SUPT3H: variants seen among roughly 807,000 people sequenced by gnomAD.
The protein encoded by SUPT3H is SPT3 homolog, SAGA and STAGA complex component, also known as transcription initiation protein SPT3 homolog.
A neutral mutation model predicts 44.3 loss-of-function variants in SUPT3H; 44 were observed. That is an observed-to-expected ratio of 0.99 (90% CI 0.78 to 1.28). The LOEUF is 1.28. SUPT3H is among the 50% of genes most tolerant of loss of function. The probability of loss-of-function intolerance (pLI) is 0.00; values close to 1 mark genes in which losing one functional copy is unlikely to be tolerated. For synonymous variants in SUPT3H, 124 were observed against 125.6 expected (o/e 0.99, Z 0.09); for missense variants, 380 against 387.1 (o/e 0.98, Z 0.15).
chr6:44,872,532 C>G (rs1297344119), intron 10 of SUPT3H, among the ~76,000 whole-genome samples: 1 of 152,228 alleles, frequency 6.6e-6, no homozygotes, highest in Non-Finnish European at 1.5e-5. Context: ...CGGTACCAGC[C>G]ACTGCAAAAT....
chr6:45,220,703 G>GA (rs2153635279), intron 2 of SUPT3H, among the ~76,000 whole-genome samples: 1 of 152,182 alleles, frequency 6.6e-6, no homozygotes, highest in East Asian at 1.9e-4. Flanking sequence ...AAGCCTCCTG[G>GA]AAAAAAATAA....
intron 2 of SUPT3H, among the ~76,000 whole-genome samples, chr6:45,242,956 A>G (rs1320098890): frequency 6.6e-6 from 1 of 152,168 alleles, no homozygotes; most frequent in Non-Finnish European, 1.5e-5. Flanking sequence ...ACACTTTGGG[A>G]GGCCGAGGAG....
Position 45,326,949 on chromosome 6 carries a change from T to C in SUPT3H, c.101+38252A>G, listed in dbSNP as rs143088954. ...GCAGATTTAGAGTGGCATGGATAAA[T>C]GGCAAAAAAATGCCTAGAAAATTGG... On this transcript the variant is annotated intron_variant, in intron 2 of 10. Transcript: ENST00000371459. Among the ~76,000 whole-genome samples the C allele has an allele frequency of 6.3e-3, 950 of 151,996 alleles. 10 individuals are homozygous for C. The highest frequency in any genetic ancestry group is 0.034 in the Middle Eastern group (10 of 294).
In SUPT3H at chr6:45,265,986, AAC is replaced by A. The variant is rs572386900; in HGVS notation, c.101+99213_101+99214del. On this transcript the variant is annotated intron_variant, in intron 2 of 10. Transcript: ENST00000371459. ...ACCTTTCACAGAATTAATGTTCAGA[AAC>A]AGTTGCCTCACATTAGAATCCTAAC... 5.9e-3 allele frequency among the ~76,000 whole-genome samples: 894 copies of A among 152,214 alleles called. 9 individuals carry two copies. The highest frequency in any genetic ancestry group is 0.02 in the African/African-American group (844 of 41,564).
intron 5 of SUPT3H, among the ~76,000 whole-genome samples, chr6:45,008,636 T>C (rs947169917): frequency 6.6e-6 from 1 of 151,980 alleles, no homozygotes; most frequent in Non-Finnish European, 1.5e-5. Context: ...ATTATAGATA[T>C]GAGCCACCAT....
At chr6:44,997,493 T>C (rs180883843) in intron 6 of SUPT3H, among the ~76,000 whole-genome samples, 2 of 151,848 alleles carry the variant, frequency 1.3e-5, no homozygotes, top group African/African-American at 2.4e-5. Context: ...TATTACTGAA[T>C]TATGGAAGAA....
chr6:45,082,329 C>CACAACA (rs1379146488), intron 3 of SUPT3H, among the ~76,000 whole-genome samples: 1 of 151,952 alleles, frequency 6.6e-6, no homozygotes, highest in Non-Finnish European at 1.5e-5. Context: ...CTGGCAAAGA[C>CACAACA]ACAACAACAA....
intron 2 of SUPT3H, among the ~76,000 whole-genome samples, chr6:45,265,750 T>A (rs1254087444): frequency 2.6e-5 from 4 of 152,024 alleles, no homozygotes; most frequent in Admixed American, 6.6e-5. Context: ...CCTGCAGCAT[T>A]CCAACAAAAA....
At chr6:44,993,138 G>A (rs529444276) in intron 6 of SUPT3H, among the ~76,000 whole-genome samples, 1 of 152,162 alleles carries the variant, frequency 6.6e-6, no homozygotes, top group African/African-American at 2.4e-5. Context: ...ATTTCAGCCT[G>A]GGGAACAGAA....
rs1189119956 is a variant in SUPT3H, at chr6:45,200,975, C to CA, written c.102-94970dup. Among the ~76,000 whole-genome samples the CA allele has an allele frequency of 9.2e-5, 14 of 151,498 alleles. No homozygotes were observed. The East Asian group carries it at 2.5e-3, about 27-fold the overall frequency. On this transcript the variant is annotated intron_variant, in intron 2 of 10. Transcript: ENST00000371459. ...TTAAACAGTCATGTGTACAAATATA[C>CA]ACATAAGCACCTATGTATTACTTCC...
At chr6:45,085,984 T>C (rs1353628783) in intron 3 of SUPT3H, among the ~76,000 whole-genome samples, 1 of 152,144 alleles carries the variant, frequency 6.6e-6, no homozygotes, top group Non-Finnish European at 1.5e-5. Context: ...GTTTGATCTT[T>C]AGGTATGAGA....
intron 2 of SUPT3H, among the ~76,000 whole-genome samples, chr6:45,257,607 A>AT (rs1773623964): frequency 1.3e-5 from 2 of 152,176 alleles, no homozygotes; most frequent in African/African-American, 4.8e-5. Flanking sequence ...GTAATTTATA[A>AT]TAAAAATTTA....
At chr6:44,847,425 T>G (rs1041444028) in intron 10 of SUPT3H, among the ~76,000 whole-genome samples, 45 of 152,328 alleles carry the variant, frequency 3.0e-4, no homozygotes, top group African/African-American at 1.1e-3. Context: ...TGACTCATTC[T>G]ATAGCTATCA....
intron 2 of SUPT3H, among the ~76,000 whole-genome samples, chr6:45,128,533 A>AATATATATATATAT (rs1554257895): frequency 1.6e-3 from 81 of 52,212 alleles, no homozygotes; most frequent in Non-Finnish European, 1.9e-3. Flanking sequence ...AAAAAAAAAA[A>AATATATATATATAT]ATATATATAT....
chr6:45,251,043 C>G (rs1437430433), intron 2 of SUPT3H: 1 of 152,116 alleles, frequency 6.6e-6, no homozygotes, highest in Non-Finnish European at 1.5e-5. Flanking sequence ...CTCCTGGGCC[C>G]AAGCAATCCT....
intron 2 of SUPT3H, among the ~76,000 whole-genome samples, chr6:45,333,191 AT>A (rs1190253569): frequency 1.3e-5 from 2 of 151,688 alleles, no homozygotes; most frequent in African/African-American, 4.8e-5. Context: ...TTTCAAAAAG[AT>A]TATGAAATTC....
chr6:44,968,204 C>T (rs188569559), intron 6 of SUPT3H, among the ~76,000 whole-genome samples: 25 of 152,204 alleles, frequency 1.6e-4, no homozygotes, highest in Admixed American at 1.6e-3. Flanking sequence ...TGGTAATCTA[C>T]CAACAATCTC....
chr6:45,214,524 T>C (rs1764712060), intron 2 of SUPT3H, among the ~76,000 whole-genome samples: 1 of 152,132 alleles, frequency 6.6e-6, no homozygotes, highest in Admixed American at 6.5e-5. Flanking sequence ...TATTTAAAGA[T>C]GGATCATAAA....
intron 2 of SUPT3H, among the ~76,000 whole-genome samples, chr6:45,269,476 T>G (rs1775774937): frequency 6.6e-6 from 1 of 152,316 alleles, no homozygotes; most frequent in Admixed American, 6.5e-5. Flanking sequence ...TTTGAGAGTC[T>G]ACTAAGCTCT....
Sources: gnomAD v4.1 joint callset for allele counts (sites outside exome capture counted in the v4.1 genomes callset) on GRCh38, gnomAD v4.1.1 for gene constraint, MANE v1.5 for transcripts, NCBI Gene and HGNC (gene_info 2026-07-23, HGNC 2026-07-21) for gene names.